Variants in CDH12 observed in about 807,000 individuals in gnomAD.
CDH12 encodes the protein cadherin 12.
In CDH12, 41 loss-of-function variants were observed where a neutral mutation model predicts 74.1. The observed-to-expected ratio is 0.55, with a 90% CI of 0.43 to 0.72. CDH12 has a LOEUF of 0.72. Among genes scored for constraint, CDH12 ranks in the 30% least tolerant of loss-of-function variants. The probability of loss-of-function intolerance (pLI) is 0.00; values close to 1 mark genes in which losing one functional copy is unlikely to be tolerated. For missense variants in CDH12, 945 were observed against 977.2 expected (o/e 0.97, Z 0.44); for synonymous variants, 399 against 355.0 (o/e 1.12, Z -1.39).
intron 9 of CDH12, among the ~76,000 whole-genome samples, chr5:21,807,318 G>A (rs1053757277): frequency 1.3e-5 from 2 of 151,962 alleles, no homozygotes; most frequent in African/African-American, 4.8e-5. Context: ...TTAACCTCTG[G>A]GCCTTCAGGG....
In CDH12 at chr5:21,884,503, C is replaced by A. The variant is rs143032239; in HGVS notation, c.527-29713G>T. On this transcript the variant is annotated intron_variant, in intron 6 of 14. Transcript: ENST00000382254. ...GGTTTACTGCTGTCATTGTCCATGCCTACAGATAATTTATTTTGTATTTTT... is the reference window on the plus strand; with the variant it reads ...GGTTTACTGCTGTCATTGTCCATGCATACAGATAATTTATTTTGTATTTTT... 2.2e-3 allele frequency among the ~76,000 whole-genome samples: 331 copies of A among 152,250 alleles called. 4 individuals carry two copies. The highest frequency in any genetic ancestry group is 2.1e-3 in the East Asian group (11 of 5,182).
Position 22,343,253 on chromosome 5 carries a change from A to G in CDH12, c.-333+62004T>C, listed in dbSNP as rs112147698. Among the ~76,000 whole-genome samples the G allele has an allele frequency of 2.3e-4, 34 of 148,524 alleles. 1 individual carries two copies. Among genetic ancestry groups the G allele is most frequent in the African/African-American group, 7.2e-4 (29 of 40,344 alleles). ...AGAATTTTTTAAGTTTACATCAGAC[A>G]AAAATAAATCACAGATAAAACATAA... On this transcript the variant is annotated intron_variant, in intron 3 of 14. Transcript: ENST00000382254.
At chr5:22,688,389 C>T (rs751148310) in intron 1 of CDH12, among the ~76,000 whole-genome samples, 33 of 152,226 alleles carry the variant, frequency 2.2e-4, no homozygotes, top group South Asian at 1.2e-3. Context: ...TGCAGAATTA[C>T]GTGACTATTC....
intron 3 of CDH12, among the ~76,000 whole-genome samples, chr5:22,403,233 T>C (rs183263840): frequency 2.0e-4 from 30 of 152,282 alleles, no homozygotes; most frequent in East Asian, 7.7e-4. Flanking sequence ...TGTGTGATAA[T>C]TATTATGGCA....
intron 10 of CDH12, 89 bp downstream of exon 10, chr5:21,802,078 G>T: frequency 8.8e-7 from 1 of 1,137,508 alleles, no homozygotes; most frequent in Non-Finnish European, 1.3e-6. Flanking sequence ...TCATCATGCA[G>T]TTTTGGACAG....
chr5:22,796,676 C>T lies in CDH12; in HGVS notation c.-523+56382G>A, dbSNP rs868697617. ...CTGGGACTACAGGCGCCCGCCACTA[C>T]GCCCGGCTAATTTTTTTGTATTTTT... On this transcript the variant is annotated intron_variant, in intron 1 of 14. Coordinates refer to ENST00000382254, the MANE Select transcript of CDH12 (RefSeq NM_004061.5). 2.3e-3 allele frequency among the ~76,000 whole-genome samples: 304 copies of T among 133,428 alleles called. 54 individuals are homozygous for T. The highest frequency in any genetic ancestry group is 9.1e-3 in the African/African-American group (294 of 32,278). 87.5% of individuals were successfully genotyped at this position (133,428 alleles called of 152,430 possible).
intron 1 of CDH12, among the ~76,000 whole-genome samples, chr5:22,697,545 G>A (rs1270654877): frequency 7.0e-6 from 1 of 142,844 alleles, no homozygotes; most frequent in Non-Finnish European, 1.5e-5. Flanking sequence ...GCACTCCAGC[G>A]TGGGCGACAG....
chr5:22,402,061 A>C (rs554812221), intron 3 of CDH12, among the ~76,000 whole-genome samples: 3 of 152,148 alleles, frequency 2.0e-5, no homozygotes, highest in Admixed American at 1.3e-4. Context: ...AAATCACCCA[A>C]TGTGTGGCCA....
intron 5 of CDH12, among the ~76,000 whole-genome samples, chr5:22,051,277 G>A (rs1157712743): frequency 1.3e-5 from 2 of 152,046 alleles, no homozygotes; most frequent in African/African-American, 4.8e-5. Context: ...TAATAATTAA[G>A]AGATGTCGTT....
intron 3 of CDH12, among the ~76,000 whole-genome samples, chr5:22,355,818 A>AC (rs1316423148): frequency 6.6e-6 from 1 of 152,130 alleles, no homozygotes; most frequent in Non-Finnish European, 1.5e-5. Context: ...TACATACTGA[A>AC]ACACACACAT....
intron 11 of CDH12, among the ~76,000 whole-genome samples, chr5:21,782,926 G>A (rs1374924897): frequency 6.6e-6 from 1 of 152,130 alleles, no homozygotes; most frequent in Non-Finnish European, 1.5e-5. Context: ...TAAAGGGAGA[G>A]AAAAGGAAGA....
At chr5:22,213,677 C>T (rs1243638373) in intron 3 of CDH12, 3 of 152,068 alleles carry the variant, frequency 2.0e-5, no homozygotes, top group Admixed American at 1.3e-4. Context: ...TAACTGAATG[C>T]CAAAGCCCCA....
intron 3 of CDH12, among the ~76,000 whole-genome samples, chr5:22,369,402 T>TC (rs1741174453): frequency 6.6e-6 from 1 of 152,142 alleles, no homozygotes; most frequent in Non-Finnish European, 1.5e-5. Context: ...AACACATTTT[T>TC]CCACCATTTT....
intron 1 of CDH12, among the ~76,000 whole-genome samples, chr5:22,754,656 A>T (rs1745794055): frequency 6.6e-6 from 1 of 152,066 alleles, no homozygotes; most frequent in African/African-American, 2.4e-5. Context: ...CAGAGACATA[A>T]CGGCACAAAA....
chr5:22,799,913 C>T (rs1442333543), intron 1 of CDH12, among the ~76,000 whole-genome samples: 1 of 151,944 alleles, frequency 6.6e-6, no homozygotes, highest in Admixed American at 6.6e-5. Flanking sequence ...TAGAAGATTG[C>T]CTCATAATAA....
At chr5:21,849,903 A>T (rs1487831915) in intron 7 of CDH12, among the ~76,000 whole-genome samples, 2 of 151,746 alleles carry the variant, frequency 1.3e-5, no homozygotes, top group African/African-American at 4.8e-5. Flanking sequence ...AAAACAAAGT[A>T]GTTGTTCATC....
At chr5:22,352,571 A>G (rs1740400325) in intron 3 of CDH12, among the ~76,000 whole-genome samples, 1 of 152,138 alleles carries the variant, frequency 6.6e-6, no homozygotes, top group Admixed American at 6.5e-5. Flanking sequence ...GGAGAGAGAG[A>G]CAACGTTATA....
At chr5:22,524,657 T>C (rs942344665) in intron 1 of CDH12, among the ~76,000 whole-genome samples, 1 of 152,200 alleles carries the variant, frequency 6.6e-6, no homozygotes, top group African/African-American at 2.4e-5. Context: ...GCAGTATCAG[T>C]TGGAATAGAC....
intron 2 of CDH12, among the ~76,000 whole-genome samples, chr5:22,471,583 A>G (rs1469099904): frequency 1.3e-5 from 2 of 152,180 alleles, no homozygotes; most frequent in East Asian, 3.8e-4. Context: ...GGGGGAAAAA[A>G]CTGTATCTTC....
Sources: allele counts gnomAD v4.1 joint callset (sites outside exome capture counted in the v4.1 genomes callset), GRCh38; gene constraint gnomAD v4.1.1; transcripts MANE v1.5; gene names NCBI Gene and HGNC (gene_info 2026-07-23, HGNC 2026-07-21).